The following ZBTB20 variants were observed in gnomAD, a reference collection of about 807,000 sequenced individuals.
ZBTB20 encodes the protein zinc finger and BTB domain-containing protein 20.
In ZBTB20, 9 loss-of-function variants were observed where a neutral mutation model predicts 56.9. That is an observed-to-expected ratio of 0.16 (90% CI 0.10 to 0.28). ZBTB20 has a LOEUF of 0.28. ZBTB20 is among the 10% of genes least tolerant of loss of function. The pLI, the probability that ZBTB20 is intolerant of heterozygous loss-of-function variation, is 1.00. For missense variants in ZBTB20, 655 were observed against 1,003.0 expected (o/e 0.65, Z 4.69); for synonymous variants, 417 against 420.7 (o/e 0.99, Z 0.11).
At chr3:114,981,552 C>A (rs2108089787) in intron 2 of ZBTB20, among the ~76,000 whole-genome samples, 1 of 152,096 alleles carries the variant, frequency 6.6e-6, no homozygotes, top group East Asian at 1.9e-4. Flanking sequence ...ATCTTTACTT[C>A]TAAAGATTAA....
At chr3:114,924,966 C>A (rs1407759801) in intron 3 of ZBTB20, among the ~76,000 whole-genome samples, 5 of 148,422 alleles carry the variant, frequency 3.4e-5, no homozygotes, top group Non-Finnish European at 7.4e-5. Context: ...TTTTAAAATT[C>A]CCATTTGGTT....
At chr3:114,887,861 C>A (rs1014672305) in intron 4 of ZBTB20, among the ~76,000 whole-genome samples, 1 of 152,038 alleles carries the variant, frequency 6.6e-6, no homozygotes, top group African/African-American at 2.4e-5. Flanking sequence ...ATAGTGATCT[C>A]AAAGCCCCCA....
intron 6 of ZBTB20, among the ~76,000 whole-genome samples, chr3:114,631,818 G>T (rs543879778): frequency 6.6e-6 from 1 of 152,272 alleles, no homozygotes; most frequent in African/African-American, 2.4e-5. Context: ...GGTAAACTAT[G>T]ATACTGTGAT....
At chr3:114,666,464 C>T (rs1213326183) in intron 6 of ZBTB20, among the ~76,000 whole-genome samples, 1 of 151,968 alleles carries the variant, frequency 6.6e-6, no homozygotes, top group Admixed American at 6.6e-5. Context: ...TTAGCTATTT[C>T]TTTTTGTATG....
chr3:114,517,713 T>A (rs935606576), intron 6 of ZBTB20, among the ~76,000 whole-genome samples: 1 of 151,944 alleles, frequency 6.6e-6, no homozygotes, highest in African/African-American at 2.4e-5. Flanking sequence ...GTAGCTGGGA[T>A]TACAGGCACC....
At chr3:114,723,326 CT>C (rs1489491530) in intron 5 of ZBTB20, among the ~76,000 whole-genome samples, 1 of 152,142 alleles carries the variant, frequency 6.6e-6, no homozygotes, top group Admixed American at 6.6e-5. Context: ...CTAATGGCTT[CT>C]AATTTTGTGA....
chr3:114,754,638 T>C (rs549679428), intron 5 of ZBTB20, among the ~76,000 whole-genome samples: 2 of 152,342 alleles, frequency 1.3e-5, no homozygotes, highest in African/African-American at 2.4e-5. Flanking sequence ...TGAGTTTTTT[T>C]CAGACAAGAA....
chr3:114,634,403 T>A (rs2059141630), intron 6 of ZBTB20, among the ~76,000 whole-genome samples: 1 of 152,200 alleles, frequency 6.6e-6, no homozygotes, highest in Non-Finnish European at 1.5e-5. Flanking sequence ...CATAGGCATG[T>A]TAGAAATGCC....
intron 2 of ZBTB20, among the ~76,000 whole-genome samples, chr3:114,982,374 T>C (rs1352717948): frequency 6.6e-6 from 1 of 152,058 alleles, no homozygotes; most frequent in East Asian, 1.9e-4. Flanking sequence ...AGGGGCCAAA[T>C]TTGCAGTATG....
At chr3:114,979,725 A>G (rs1290866276) in intron 2 of ZBTB20, among the ~76,000 whole-genome samples, 1 of 152,076 alleles carries the variant, frequency 6.6e-6, no homozygotes, top group African/African-American at 2.4e-5. Flanking sequence ...TCCATCGTCA[A>G]GAAGACAAGG....
intron 3 of ZBTB20, among the ~76,000 whole-genome samples, chr3:114,909,400 T>C (rs1259900535): frequency 8.5e-5 from 13 of 152,068 alleles, no homozygotes. Context: ...AAAAAATATG[T>C]TTATAAAGTA....
chr3:114,685,292 C>T (rs944905223), intron 6 of ZBTB20, among the ~76,000 whole-genome samples: 3 of 152,084 alleles, frequency 2.0e-5, no homozygotes, highest in South Asian at 2.1e-4. Context: ...GTTCTTAGCC[C>T]GAAAAGTGAT....
In ZBTB20 at chr3:114,945,741, A is replaced by G. The variant is rs2076863978; in HGVS notation, c.-456+28625T>C. On this transcript the variant is annotated intron_variant, in intron 3 of 11. Coordinates refer to ENST00000675478, the MANE Select transcript of ZBTB20 (RefSeq NM_001348800.3). The stretch of plus-strand genomic sequence containing the variant: ...ATTTAAAAAGTTGCATTGAAATACA[A>G]TGTCAGACTTTGAATTAAAAATCAC... Among the ~76,000 whole-genome samples the G allele has an allele frequency of 1.4e-5, 2 of 145,454 alleles. 1 individual carries two copies. The highest frequency in any genetic ancestry group is 4.3e-4 in the South Asian group (2 of 4,692).
intron 6 of ZBTB20, among the ~76,000 whole-genome samples, chr3:114,595,587 A>G (rs973594769): frequency 6.6e-6 from 1 of 152,182 alleles, no homozygotes; most frequent in African/African-American, 2.4e-5. Context: ...AGGCCATTTA[A>G]TGATTCCTCC....
intron 6 of ZBTB20, among the ~76,000 whole-genome samples, chr3:114,628,501 A>G (rs2058762448): frequency 1.3e-5 from 2 of 152,070 alleles, no homozygotes; most frequent in South Asian, 2.1e-4. Context: ...TACTTTTCCA[A>G]TCAATCCCAG....
Position 115,056,645 on chromosome 3 carries a change from T to C in ZBTB20, c.-507+14574A>G, listed in dbSNP as rs1179771081. On this transcript the variant is annotated intron_variant, in intron 2 of 11. Coordinates refer to ENST00000675478, the MANE Select transcript of ZBTB20 (RefSeq NM_001348800.3). Reference sequence around the variant, plus strand: ...AAGTTATTTTAAAAATACCGAACTATACTAATGATTGCGTGAGGGTATGTG... The same window carrying C: ...AAGTTATTTTAAAAATACCGAACTACACTAATGATTGCGTGAGGGTATGTG... 3.3e-5 allele frequency among the ~76,000 whole-genome samples: 5 copies of C among 152,162 alleles called. No individual in the cohort carries two copies. In the East Asian group the frequency reaches 7.7e-4, roughly 23 times the overall value.
chr3:114,707,484 C>T (rs1035009073), intron 5 of ZBTB20, among the ~76,000 whole-genome samples: 1 of 152,164 alleles, frequency 6.6e-6, no homozygotes, highest in African/African-American at 2.4e-5. Flanking sequence ...TGATTTTTCA[C>T]AAGAGTCCCA....
intron 6 of ZBTB20, among the ~76,000 whole-genome samples, chr3:114,518,227 ACATTT>A (rs1339627001): frequency 2.0e-5 from 3 of 152,114 alleles, no homozygotes; most frequent in Admixed American, 2.0e-4. Flanking sequence ...CCATGTACAC[ACATTT>A]CAAATACTTA....
At chr3:114,386,611 A>T (rs2083107503) in intron 8 of ZBTB20, among the ~76,000 whole-genome samples, 1 of 151,834 alleles carries the variant, frequency 6.6e-6, no homozygotes, top group African/African-American at 2.4e-5. Flanking sequence ...ACATTTCCTG[A>T]CCTCTCTCTT....
Sources: gnomAD v4.1 joint callset for allele counts (sites outside exome capture counted in the v4.1 genomes callset) on GRCh38, gnomAD v4.1.1 for gene constraint, MANE v1.5 for transcripts, NCBI Gene and HGNC (gene_info 2026-07-23, HGNC 2026-07-21) for gene names.